Variants in LMNB1 observed in about 807,000 individuals in gnomAD.
LMNB1 encodes the protein lamin B1, also known as lamin-B1.
Under a neutral mutation model 67.1 loss-of-function variants are expected in LMNB1, and 23 were observed. The observed-to-expected ratio is 0.34, with a 90% CI of 0.25 to 0.49. The LOEUF (loss-of-function observed/expected upper bound fraction) is 0.49, where lower values mean the gene tolerates loss of function less well. Ranked by LOEUF, LMNB1 falls within the 20% of genes least tolerant of loss-of-function variation. The pLI is 0.99. For missense variants in LMNB1, 634 were observed against 746.5 expected (o/e 0.85, Z 1.76); for synonymous variants, 281 against 282.9 (o/e 0.99, Z 0.07).
chr5:126,820,874 G>A (rs1751851413), intron 6 of LMNB1, 36 bp from the exon 7 acceptor site: 1 of 1,462,876 alleles, frequency 6.8e-7, no homozygotes, highest in South Asian at 1.2e-5. Flanking sequence ...GGGCATATGT[G>A]TTTTAAAAAT....
chr5:126,796,042 C>T (rs762624475), intron 1 of LMNB1, among the ~76,000 whole-genome samples: 152 of 148,822 alleles, frequency 1.0e-3, no homozygotes, highest in Non-Finnish European at 1.8e-3. Context: ...AAGCAATTCT[C>T]CTGCCTCAGC....
intron 1 of LMNB1, among the ~76,000 whole-genome samples, chr5:126,785,693 A>G (rs1025284329): frequency 4.6e-5 from 7 of 151,906 alleles, no homozygotes; most frequent in African/African-American, 1.7e-4. Flanking sequence ...CACCAAGAAG[A>G]AAATTCTTGG....
intron 10 of LMNB1, among the ~76,000 whole-genome samples, chr5:126,835,512 C>T (rs1437743597): frequency 6.6e-6 from 1 of 152,144 alleles, no homozygotes; most frequent in African/African-American, 2.4e-5. Context: ...GCTGTAGTCT[C>T]CGATGTGGTT....
At chr5:126,792,868 G>A (rs1034703914) in intron 1 of LMNB1, among the ~76,000 whole-genome samples, 14 of 152,102 alleles carry the variant, frequency 9.2e-5, no homozygotes, top group African/African-American at 2.7e-4. Context: ...GAGCCACCGC[G>A]CCCGGCAGCA....
intron 5 of LMNB1, among the ~76,000 whole-genome samples, chr5:126,815,493 A>G (rs1004888293): frequency 1.3e-5 from 2 of 152,194 alleles, no homozygotes; most frequent in African/African-American, 4.8e-5. Flanking sequence ...TTGTTTTTCT[A>G]ACACCCAGAT....
In LMNB1 at chr5:126,800,974, TATATATAA is replaced by T. The variant is rs1394014890; in HGVS notation, c.360-3801_360-3794del. On this transcript the variant is annotated intron_variant, in intron 1 of 10. Coordinates refer to ENST00000261366, the MANE Select transcript of LMNB1 (RefSeq NM_005573.4). The stretch of plus-strand genomic sequence containing the variant: ...GACTATATATATATATATATATATA[TATATATAA>T]TTTTTTTTTTTTTTTTTTGGTGGTA... Among the ~76,000 whole-genome samples the T allele has an allele frequency of 2.6e-3, 226 of 86,974 alleles. 9 individuals carry two copies. Among genetic ancestry groups the T allele is most frequent in the Non-Finnish European group, 4.7e-3 (198 of 41,800 alleles). The allele number at this position is 86,974 out of a possible 152,430, so 57.1% of individuals were successfully genotyped here.
rs778185749 is a variant in LMNB1, at chr5:126,804,802, A to T, written c.386A>T (p.Asn129Ile). 1.2e-6 allele frequency: 2 copies of T among 1,614,102 alleles called. No individual in the cohort carries two copies. The highest frequency in any genetic ancestry group is 1.7e-6 in the Non-Finnish European group (2 of 1,179,982). Reference sequence around the variant, plus strand: ...TATGCTAAGAAGGAATCTGATCTTAATGGCGCCCAGATCAAGCTTCGAGAA... The same window carrying T: ...TATGCTAAGAAGGAATCTGATCTTATTGGCGCCCAGATCAAGCTTCGAGAA... ...LNYAKKESDL[N>I]GAQIKLREYE... Residue 129 changes from asparagine to isoleucine, a missense_variant, in exon 2 of 11, where the codon AAT (asparagine) becomes ATT (isoleucine). Transcript: ENST00000261366.
intron 5 of LMNB1, among the ~76,000 whole-genome samples, chr5:126,813,902 T>C (rs2126721257): frequency 6.6e-6 from 1 of 152,344 alleles, no homozygotes; most frequent in Admixed American, 6.5e-5. Context: ...CTTGTTGTTT[T>C]TTTTTCTTCT....
intron 1 of LMNB1, among the ~76,000 whole-genome samples, chr5:126,781,018 C>A (rs191814278): frequency 6.6e-6 from 1 of 152,254 alleles, no homozygotes; most frequent in East Asian, 1.9e-4. Context: ...CCTGGCCAGG[C>A]ACGGTGGCTC....
At chr5:126,820,702 T>G in intron 6 of LMNB1, among the ~76,000 whole-genome samples, 1 of 152,006 alleles carries the variant, frequency 6.6e-6, no homozygotes, top group Non-Finnish European at 1.5e-5. Context: ...ATTTTTGTAT[T>G]TTTAGTAGAG....
chr5:126,827,994 A>G (rs1561754501), intron 9 of LMNB1, among the ~76,000 whole-genome samples: 1 of 152,214 alleles, frequency 6.6e-6, no homozygotes, highest in Non-Finnish European at 1.5e-5. Flanking sequence ...TCCTGGTATC[A>G]TGCTTGGCAC....
chr5:126,803,613 C>T (rs995284824), intron 1 of LMNB1, among the ~76,000 whole-genome samples: 1 of 151,704 alleles, frequency 6.6e-6, no homozygotes, highest in Admixed American at 6.6e-5. Context: ...GTGGTGCGGT[C>T]TCGGCTCACT....
rs1191989151 is a variant in LMNB1, at chr5:126,836,803, A to G, written c.*539A>G. 5 of 392,732 alleles carry G rather than the reference A, an allele frequency of 1.3e-5. No homozygotes were observed. Among genetic ancestry groups the G allele is most frequent in the African/African-American group, 1.1e-4 (5 of 47,212 alleles). 24.3% of individuals were successfully genotyped at this position (392,732 alleles called of 1,614,324 possible). A position where few individuals can be genotyped will look rare whatever the true frequency, so the allele number is the denominator to read the frequency against. ...TTTGTAAGAAGGCAATATTAACCTAATCACCATGTAAGCACTCTGGATGAT... is the reference window on the plus strand; with the variant it reads ...TTTGTAAGAAGGCAATATTAACCTAGTCACCATGTAAGCACTCTGGATGAT... On this transcript the variant is annotated 3_prime_UTR_variant, in exon 11 of 11. Transcript: ENST00000261366.
intron 1 of LMNB1, among the ~76,000 whole-genome samples, chr5:126,801,046 C>T (rs1329456413): frequency 1.5e-5 from 2 of 129,974 alleles, no homozygotes; most frequent in African/African-American, 5.9e-5. Flanking sequence ...TGCAGTGGCA[C>T]GATCAGGGCT....
chr5:126,778,092 C>A (rs1750520541), intron 1 of LMNB1, among the ~76,000 whole-genome samples: 1 of 152,202 alleles, frequency 6.6e-6, no homozygotes, highest in Admixed American at 6.5e-5. Flanking sequence ...GGCCGTGATG[C>A]CCATTTCTAG....
At chr5:126,814,521 T>C (rs1751660689) in intron 5 of LMNB1, among the ~76,000 whole-genome samples, 2 of 151,820 alleles carry the variant, frequency 1.3e-5, no homozygotes, top group Admixed American at 1.3e-4. Flanking sequence ...GTTAATTGAA[T>C]TCCCATTTTT....
chr5:126,802,536 C>A (rs770738641), intron 1 of LMNB1, among the ~76,000 whole-genome samples: 1 of 152,134 alleles, frequency 6.6e-6, no homozygotes. Flanking sequence ...CTCTACCTCC[C>A]GGGTTCAGGC....
chr5:126,835,438 A>G (rs1470801812), intron 10 of LMNB1, among the ~76,000 whole-genome samples: 1 of 152,208 alleles, frequency 6.6e-6, no homozygotes, highest in Non-Finnish European at 1.5e-5. Context: ...AGCCATGTTG[A>G]CTTCACCTTG....
intron 7 of LMNB1, among the ~76,000 whole-genome samples, chr5:126,822,407 T>A (rs1448956016): frequency 1.3e-5 from 2 of 152,234 alleles, no homozygotes; most frequent in Non-Finnish European, 2.9e-5. Context: ...AGCTTATGTG[T>A]CTATTTTAAA....
Sources: allele counts gnomAD v4.1 joint callset (sites outside exome capture counted in the v4.1 genomes callset), GRCh38; gene constraint gnomAD v4.1.1; transcripts MANE v1.5; gene names NCBI Gene and HGNC (gene_info 2026-07-23, HGNC 2026-07-21).